SYBU: variants seen among roughly 807,000 people sequenced by gnomAD.
SYBU encodes the protein GOLSYN A protein.
Under a neutral mutation model 35.9 loss-of-function variants are expected in SYBU, and 21 were observed. The ratio of observed to expected loss-of-function variants is 0.58; its 90% confidence interval spans 0.41 to 0.84. The LOEUF is 0.84. Ranked by LOEUF, SYBU falls within the 40% of genes least tolerant of loss-of-function variation. The pLI is 0.00. For missense variants in SYBU, 768 were observed against 848.2 expected, an observed-to-expected ratio of 0.91 and a Z score of 1.17; for synonymous variants, 319 against 324.3, an observed-to-expected ratio of 0.98 and a Z score of 0.18.
At chr8:109,685,072 TAGAC>T (rs1276319046), upstream of SYBU, among the ~76,000 whole-genome samples, 1 of 152,160 alleles carries the variant, frequency 6.6e-6, no homozygotes, top group Non-Finnish European at 1.5e-5. Context: ...AACTCAGCAT[TAGAC>T]AGGCTGAGTT....
chr8:109,620,753 C>A (rs1425289547), intron 2 of SYBU, among the ~76,000 whole-genome samples: 1 of 152,084 alleles, frequency 6.6e-6, no homozygotes, highest in Non-Finnish European at 1.5e-5. Flanking sequence ...GTGATGAGAA[C>A]CCTTCTTGGT....
chr8:109,657,060 T>C (rs893421740), intron 1 of SYBU, among the ~76,000 whole-genome samples: 1 of 152,194 alleles, frequency 6.6e-6, no homozygotes, highest in East Asian at 1.9e-4. Flanking sequence ...TATCTTTTTC[T>C]TTATAATTAA....
intron 6 of SYBU, 29 bp from the exon 7 acceptor site, chr8:109,576,042 TAAAA>T (rs71305959): frequency 0.13 from 105,825 of 833,290 alleles, 1,163 homozygotes; most frequent in South Asian, 0.18. Context: ...CATGGTTAAT[TAAAA>T]AAAAAAAAAA....
chr8:109,603,346 A>C, intron 3 of SYBU: 1 of 957,630 alleles, frequency 1.0e-6, no homozygotes, highest in Non-Finnish European at 1.2e-6. Context: ...AAATGAATGA[A>C]GCATACTCAC....
At chr8:109,579,685 CTT>C in intron 5 of SYBU, 112 bp downstream of exon 5, 1 of 980,884 alleles carries the variant, frequency 1.0e-6, no homozygotes, top group Non-Finnish European at 1.5e-6. Context: ...AATGCAGTGT[CTT>C]GTAGAATCAG....
At chr8:109,633,746 A>T (rs577651315) in intron 2 of SYBU, among the ~76,000 whole-genome samples, 169 of 152,008 alleles carry the variant, frequency 1.1e-3, no homozygotes, top group African/African-American at 3.8e-3. Context: ...TATTATTATT[A>T]TTTTTGAGAC....
At chr8:109,601,942 TG>T (rs1825577526) in intron 3 of SYBU, among the ~76,000 whole-genome samples, 1 of 152,114 alleles carries the variant, frequency 6.6e-6, no homozygotes, top group Admixed American at 6.5e-5. Context: ...GGTGGTAACA[TG>T]AACAGTGATG....
intron 2 of SYBU, among the ~76,000 whole-genome samples, chr8:109,622,219 ATCT>A (rs1812492965): frequency 7.0e-6 from 1 of 143,042 alleles, no homozygotes; most frequent in African/African-American, 2.8e-5. Flanking sequence ...CTATCTATCT[ATCT>A]ATCATCTATC....
At chr8:109,690,332 G>GCGCC (rs1817618849) in intron 1 of SYBU, among the ~76,000 whole-genome samples, 1 of 152,224 alleles carries the variant, frequency 6.6e-6, no homozygotes, top group South Asian at 2.1e-4. Context: ...TGCCCCAAGG[G>GCGCC]CGCCCTATGG....
In SYBU at chr8:109,691,214, A is replaced by G. The variant is rs1817637452; in HGVS notation, c.-58+119T>C. ...ACCCTGGATACCTCCCGCATTGGAA[A>G]GGGTGGTCCTGGGGTCCGGAGCGCC... On this transcript the variant is annotated intron_variant, in intron 1 of 7. Transcript: ENST00000422135. This position sits in a 1 kb window ranked among gnomAD's most constrained non-coding sequence, Gnocchi z 4.7. 1.6e-6 allele frequency: 1 copy of G among 620,056 alleles called. No individual in the cohort carries two copies. The highest frequency in any genetic ancestry group is 2.5e-5 in the Admixed American group (1 of 39,586). The allele number at this position is 620,056 out of a possible 1,614,324, so 38.4% of individuals were successfully genotyped here. A position where few individuals can be genotyped will look rare whatever the true frequency, so the allele number is the denominator to read the frequency against.
At chr8:109,611,618 C>T (rs1811182588) in intron 3 of SYBU, among the ~76,000 whole-genome samples, 1 of 152,154 alleles carries the variant, frequency 6.6e-6, no homozygotes, top group African/African-American at 2.4e-5. Context: ...AGTATAAATA[C>T]AAAAGCTCTT....
At chr8:109,618,525 A>C (rs1812068814) in intron 3 of SYBU, among the ~76,000 whole-genome samples, 1 of 152,222 alleles carries the variant, frequency 6.6e-6, no homozygotes. Context: ...GCTTAGTATA[A>C]TTGAATCTAG....
intron 2 of SYBU, among the ~76,000 whole-genome samples, chr8:109,638,515 T>TAAAC (rs142943037): frequency 0.025 from 3,818 of 152,130 alleles, 155 homozygotes; most frequent in African/African-American, 0.088. Context: ...AACGCTGGTT[T>TAAAC]AAACAAACAA....
At chr8:109,635,597 A>G (rs577891144) in intron 2 of SYBU, among the ~76,000 whole-genome samples, 15 of 152,216 alleles carry the variant, frequency 9.9e-5, no homozygotes, top group South Asian at 6.2e-4. Context: ...CTTCTCCCCA[A>G]TCCTGCTATT....
chr8:109,650,288 C>T (rs1816071642), intron 1 of SYBU, among the ~76,000 whole-genome samples: 1 of 152,208 alleles, frequency 6.6e-6, no homozygotes, highest in Non-Finnish European at 1.5e-5. Context: ...CCATAATGCA[C>T]TTTATTTCCA....
intron 1 of SYBU, among the ~76,000 whole-genome samples, chr8:109,650,211 T>A (rs544933435): frequency 2.0e-5 from 3 of 152,138 alleles, no homozygotes; most frequent in Admixed American, 6.5e-5. Flanking sequence ...AGAAAAAAAA[T>A]TGTAATCTGG....
rs1815420731 is a variant in SYBU, at chr8:109,644,783, G to T, written c.-124C>A. 2.1e-6 allele frequency: 2 copies of T among 966,212 alleles called. No homozygotes were observed. The highest frequency in any genetic ancestry group is 2.8e-6 in the Non-Finnish European group (2 of 721,160). 59.9% of individuals were successfully genotyped at this position (966,212 alleles called of 1,614,324 possible). A position where few individuals can be genotyped will look rare whatever the true frequency, so the allele number is the denominator to read the frequency against. On this transcript the variant is annotated 5_prime_UTR_variant, in exon 1 of 7. Coordinates refer to ENST00000276646, the MANE Select transcript of SYBU (RefSeq NM_001099754.2). Reference sequence around the variant, plus strand: ...GCTGCGGGCGGCGGCTCTTGGTGAGGCTCCAACGCGCCGCCGCCGCCACTG... The same window carrying T: ...GCTGCGGGCGGCGGCTCTTGGTGAGTCTCCAACGCGCCGCCGCCGCCACTG...
intron 6 of SYBU, among the ~76,000 whole-genome samples, chr8:109,576,738 C>A (rs1822364232): frequency 6.6e-6 from 1 of 152,128 alleles, no homozygotes; most frequent in African/African-American, 2.4e-5. Context: ...CACAGGACAA[C>A]CCTATTTCAA....
chr8:109,584,223 C>A lies in SYBU; in HGVS notation c.530+1837G>T, dbSNP rs191164573. Among the ~76,000 whole-genome samples, 34 of 152,268 alleles carry A rather than the reference C, an allele frequency of 2.2e-4. No individual in the cohort carries two copies. The highest frequency in any genetic ancestry group is 7.2e-4 in the African/African-American group (30 of 41,558). On this transcript the variant is annotated intron_variant, in intron 4 of 6. Coordinates refer to ENST00000276646, the MANE Select transcript of SYBU (RefSeq NM_001099754.2). This position sits in a 1 kb window ranked among gnomAD's most constrained non-coding sequence, Gnocchi z 4.0. The stretch of plus-strand genomic sequence containing the variant: ...GAAGTCTATTATTGCTTGGCTATAA[C>A]AGATACTAACAGAAGCATTCATCTG...
Sources: allele counts gnomAD v4.1 joint callset (sites outside exome capture counted in the v4.1 genomes callset), GRCh38; gene constraint gnomAD v4.1.1; non-coding constraint Gnocchi (gnomAD v3.1); transcripts MANE v1.5; gene names NCBI Gene and HGNC (gene_info 2026-07-23, HGNC 2026-07-21).